Variants in SCNN1B observed in about 807,000 individuals in gnomAD.
The protein encoded by SCNN1B is epithelial sodium channel subunit beta.
Under a neutral mutation model 65.3 loss-of-function variants are expected in SCNN1B, and 46 were observed. The observed-to-expected ratio is 0.70, with a 90% CI of 0.56 to 0.90. The LOEUF is 0.90. Among genes scored for constraint, SCNN1B ranks in the 40% least tolerant of loss-of-function variants. SCNN1B has a pLI of 0.00. For missense variants in SCNN1B, 751 were observed against 830.5 expected (o/e 0.90, Z 1.18); for synonymous variants, 349 against 330.6 (o/e 1.06, Z -0.60).
chr16:23,302,128 T>G (rs1961096356), upstream of SCNN1B: 1 of 152,292 alleles, frequency 6.6e-6, no homozygotes, highest in Non-Finnish European at 1.5e-5. Flanking sequence ...AGCGCGTGCG[T>G]GCGGGGGGCG....
rs1567290352 is a variant in SCNN1B, at chr16:23,305,559, TATATATATATATATATATTATA to T, written c.-9+3123_-9+3144del. Among the ~76,000 whole-genome samples the T allele has an allele frequency of 6.9e-3, 379 of 55,310 alleles. 29 individuals carry two copies. The highest frequency in any genetic ancestry group is 0.026 in the Admixed American group (129 of 4,934). 36.3% of individuals were successfully genotyped at this position (55,310 alleles called of 152,430 possible). A position where few individuals can be genotyped will look rare whatever the true frequency, so the allele number is the denominator to read the frequency against. On this transcript the variant is annotated intron_variant, in intron 1 of 12. Coordinates refer to ENST00000343070, the MANE Select transcript of SCNN1B (RefSeq NM_000336.3). ...TTATATATATATATATATATATATATATATATATATATATATATTATATATATATATATATATATAACCTGGG... is the reference window on the plus strand; with the variant it reads ...TTATATATATATATATATATATATATTATATATATATATATATAACCTGGG...
At chr16:23,307,533 T>C (rs543656848) in intron 1 of SCNN1B, among the ~76,000 whole-genome samples, 1 of 152,268 alleles carries the variant, frequency 6.6e-6, no homozygotes, top group Non-Finnish European at 1.5e-5. Flanking sequence ...TTGGCCAAGC[T>C]GGTCTCGAAC....
At chr16:23,284,680 T>A (rs538828334) in intron 2 of SCNN1B, among the ~76,000 whole-genome samples, 64 of 152,180 alleles carry the variant, frequency 4.2e-4, no homozygotes, top group Non-Finnish European at 8.1e-4. Context: ...AAGCATGGAG[T>A]GAACCAGTTC....
At chr16:23,302,094 C>T (rs1034867943), upstream of SCNN1B, among the ~76,000 whole-genome samples, 9 of 151,962 alleles carry the variant, frequency 5.9e-5, no homozygotes, top group Admixed American at 2.6e-4. Context: ...CGCTGGTGTC[C>T]CGAGGTGGGG....
At chr16:23,311,818 G>T (rs1454402550) in intron 1 of SCNN1B, among the ~76,000 whole-genome samples, 1 of 152,156 alleles carries the variant, frequency 6.6e-6, no homozygotes, top group African/African-American at 2.4e-5. Flanking sequence ...CATTAATGGG[G>T]CCAGGAGGGG....
At chr16:23,300,531 T>G (rs944837904), upstream of SCNN1B, among the ~76,000 whole-genome samples, 4 of 152,142 alleles carry the variant, frequency 2.6e-5, no homozygotes, top group Non-Finnish European at 5.9e-5. Flanking sequence ...CCACTGATTT[T>G]TTTTTTTTGA....
intron 1 of SCNN1B, among the ~76,000 whole-genome samples, chr16:23,310,518 C>T (rs146232928): frequency 1.8e-3 from 278 of 152,224 alleles, no homozygotes; most frequent in Middle Eastern, 0.01. Flanking sequence ...GACCCCACCT[C>T]TATAATAAAA....
At chr16:23,351,041 G>A (rs1962299054) in intron 2 of SCNN1B, among the ~76,000 whole-genome samples, 1 of 152,198 alleles carries the variant, frequency 6.6e-6, no homozygotes, top group African/African-American at 2.4e-5. Flanking sequence ...AGGAGTTCAA[G>A]GTCAGCATGG....
intron 1 of SCNN1B, among the ~76,000 whole-genome samples, chr16:23,305,548 AT>A (rs1961184309): frequency 2.8e-5 from 1 of 35,238 alleles, no homozygotes; most frequent in South Asian, 9.6e-4. Context: ...ATATATATAT[AT>A]ATATATATAT....
At chr16:23,287,007 GTT>G (rs5816209) in intron 2 of SCNN1B, among the ~76,000 whole-genome samples, 206 of 138,698 alleles carry the variant, frequency 1.5e-3, no homozygotes, top group African/African-American at 3.6e-3. Flanking sequence ...TTGCTGGGTT[GTT>G]TTTTTTTTTT....
In SCNN1B at chr16:23,371,391, T is replaced by C. The variant is rs776192629; in HGVS notation, c.973T>C (p.Ser325Pro). 6.2e-7 allele frequency: 1 copy of C among 1,613,710 alleles called. No homozygotes were observed. The highest frequency in any genetic ancestry group is 8.5e-7 in the Non-Finnish European group (1 of 1,179,950). Residue 325 changes from serine to proline, a missense_variant, in exon 6 of 13, where the codon TCA becomes CCA. Coordinates refer to ENST00000343070, the MANE Select transcript of SCNN1B (RefSeq NM_000336.3). ...CAGGCTGATGCTTCACGAGCAGAGGTCATACCCCTTCATCAGAGATGAGGG... is the reference window on the plus strand; with the variant it reads ...CAGGCTGATGCTTCACGAGCAGAGGCCATACCCCTTCATCAGAGATGAGGG... Reference protein sequence around the residue: ...GVRLMLHEQRSYPFIRDEGIY... With the variant: ...GVRLMLHEQRPYPFIRDEGIY...
chr16:23,349,640 G>A (rs571649047), intron 2 of SCNN1B, among the ~76,000 whole-genome samples: 30 of 152,204 alleles, frequency 2.0e-4, no homozygotes, highest in Admixed American at 2.6e-4. Context: ...GATTCCACGC[G>A]TGTTTACGGA....
chr16:23,305,570 ATATATATT>A (rs1961193554), intron 1 of SCNN1B, among the ~76,000 whole-genome samples: 17 of 30,634 alleles, frequency 5.5e-4, no homozygotes, highest in Admixed American at 7.0e-4. Flanking sequence ...ATATATATAT[ATATATATT>A]ATATATATAT....
intron 4 of SCNN1B, among the ~76,000 whole-genome samples, chr16:23,356,736 G>T (rs1748466243): frequency 6.6e-6 from 1 of 152,128 alleles, no homozygotes; most frequent in South Asian, 2.1e-4. Context: ...TGAGGGTAAT[G>T]GTAACCCTGG....
rs1438899015 is a variant in SCNN1B, at chr16:23,348,098, T to C, written c.-8-494T>C. ...AGTCACACTCACTCACCTGGGACCATGCAGACACATCATGGGGAGGACATG... is the reference window on the plus strand; with the variant it reads ...AGTCACACTCACTCACCTGGGACCACGCAGACACATCATGGGGAGGACATG... On this transcript the variant is annotated intron_variant, in intron 1 of 12. Transcript: ENST00000343070. The surrounding 1 kb of genome is among the most constrained non-coding windows in gnomAD (Gnocchi z 4.5). Among the ~76,000 whole-genome samples the C allele has an allele frequency of 6.6e-6, 1 of 152,150 alleles. No homozygotes were observed. The highest frequency in any genetic ancestry group is 1.5e-5 in the Non-Finnish European group (1 of 68,034).
At chr16:23,346,289 G>A (rs999674464) in intron 1 of SCNN1B, among the ~76,000 whole-genome samples, 5 of 135,398 alleles carry the variant, frequency 3.7e-5, no homozygotes, top group Non-Finnish European at 6.1e-5. Flanking sequence ...TCAGCTCAGT[G>A]CAATCTCGGC....
At position 23,368,005 on chromosome 16, in the gene SCNN1B, AC is replaced by A. The variant is rs369930317; in HGVS notation, c.880+51del. On this transcript the variant is annotated intron_variant, in intron 5 of 12. Coordinates refer to ENST00000343070, the MANE Select transcript of SCNN1B (RefSeq NM_000336.3). ...GGGCCAGAGCCATGAGGCTTTAACC[AC>A]CCCCACAATGTGGGACTGAAAGACC... 38 of 1,415,774 alleles carry A rather than the reference AC, an allele frequency of 2.7e-5. No homozygotes were observed. In the African/African-American group the frequency reaches 4.7e-4, roughly 17 times the overall value. 87.7% of individuals were successfully genotyped at this position (1,415,774 alleles called of 1,614,324 possible). A position where few individuals can be genotyped will look rare whatever the true frequency, so the allele number is the denominator to read the frequency against.
In SCNN1B at chr16:23,380,765, C is replaced by T. The variant is rs61759917; in HGVS notation, c.1887C>T (p.Asp629=). ...NYDSLRLQPL[D]VIESDSEGDA... is the part of the protein sequence containing the mutation. ...ACTCCCTGCGTCTGCAGCCGCTGGA[C>T]GTCATCGAGTCTGACAGTGAGGGTG... is the stretch of plus-strand genomic sequence containing the variant. The change falls in exon 13 of 13, where the codon GAC becomes GAT. Residue 629 remains aspartate (D), a synonymous_variant. Coordinates refer to ENST00000343070, the MANE Select transcript of SCNN1B (RefSeq NM_000336.3). This position sits in a 1 kb window ranked among gnomAD's most constrained non-coding sequence, Gnocchi z 5.4. 1.3e-3 allele frequency: 2,066 copies of T among 1,612,584 alleles called. 2 individuals carry two copies. Among genetic ancestry groups the T allele is most frequent in the Admixed American group, 2.1e-3 (125 of 60,032 alleles).
At chr16:23,282,348 T>C (rs1219242488) in intron 1 of SCNN1B, among the ~76,000 whole-genome samples, 1 of 152,208 alleles carries the variant, frequency 6.6e-6, no homozygotes, top group Non-Finnish European at 1.5e-5. Flanking sequence ...GCATCTACTA[T>C]GTGTCTTCTA....
Sources: allele counts gnomAD v4.1 joint callset (sites outside exome capture counted in the v4.1 genomes callset), GRCh38; gene constraint gnomAD v4.1.1; non-coding constraint Gnocchi (gnomAD v3.1); transcripts MANE v1.5; gene names NCBI Gene and HGNC (gene_info 2026-07-23, HGNC 2026-07-21).